CTNNA2: variants seen among roughly 807,000 people sequenced by gnomAD.
CTNNA2 encodes catenin alpha 2, also known as catenin alpha-2.
Under a neutral mutation model 101.0 loss-of-function variants are expected in CTNNA2, and 42 were observed. The observed-to-expected ratio is 0.42, with a 90% CI of 0.32 to 0.54. CTNNA2 has a LOEUF of 0.54. Ranked by LOEUF, CTNNA2 falls within the 20% of genes least tolerant of loss-of-function variation. The pLI is 0.14. For synonymous variants in CTNNA2, 450 were observed against 456.4 expected, an observed-to-expected ratio of 0.99 and a Z score of 0.18; for missense variants, 871 against 1,223.1, an observed-to-expected ratio of 0.71 and a Z score of 4.29.
intron 4 of CTNNA2, among the ~76,000 whole-genome samples, chr2:79,860,546 GTTTT>G (rs56929879): frequency 9.3e-6 from 1 of 107,180 alleles, no homozygotes; most frequent in South Asian, 3.1e-4. Context: ...AGTAAGGGAA[GTTTT>G]TTTTTTTTTT....
intron 4 of CTNNA2, among the ~76,000 whole-genome samples, chr2:79,430,076 G>T (rs533012467): frequency 8.3e-4 from 126 of 152,178 alleles, no homozygotes; most frequent in African/African-American, 2.6e-3. Context: ...AGGACAAGTG[G>T]CATAGGCTGC....
At chr2:79,977,564 T>C (rs1468070582) in intron 7 of CTNNA2, among the ~76,000 whole-genome samples, 1 of 152,144 alleles carries the variant, frequency 6.6e-6, no homozygotes, top group Non-Finnish European at 1.5e-5. Flanking sequence ...CTAGAAAATA[T>C]TTCTGTTCTA....
chr2:79,759,077 A>G (rs939392621), intron 3 of CTNNA2, among the ~76,000 whole-genome samples: 1 of 152,194 alleles, frequency 6.6e-6, no homozygotes, highest in South Asian at 2.1e-4. Flanking sequence ...AGAAAGTGGT[A>G]AACAGAAAGA....
In CTNNA2 at chr2:79,685,278, T is replaced by C. The variant is rs116723817; in HGVS notation, c.102+33620T>C. On this transcript the variant is annotated intron_variant, in intron 2 of 18. Coordinates refer to ENST00000402739, the MANE Select transcript of CTNNA2 (RefSeq NM_001282597.3). ...TAATTTATGTATCATTGAACAAATA[T>C]GAATCGTGCCTGGCTTTATGGAATT... is the stretch of plus-strand genomic sequence containing the variant. Among the ~76,000 whole-genome samples, 1,476 of 152,336 alleles carry C rather than the reference T, an allele frequency of 9.7e-3. 27 individuals are homozygous for C. The highest frequency in any genetic ancestry group is 0.034 in the African/African-American group (1,412 of 41,568).
At chr2:79,347,788 CTTTT>C (rs35044310) in intron 3 of CTNNA2, among the ~76,000 whole-genome samples, 115 of 132,654 alleles carry the variant, frequency 8.7e-4, no homozygotes, top group South Asian at 9.8e-4. Flanking sequence ...CCTAGCCTTC[CTTTT>C]TTTTTTTTTT....
At chr2:80,444,156 A>G (rs1056229774) in intron 9 of CTNNA2, among the ~76,000 whole-genome samples, 1 of 152,220 alleles carries the variant, frequency 6.6e-6, no homozygotes, top group African/African-American at 2.4e-5. Context: ...CTCTGAGTTC[A>G]GCTCTAAATT....
chr2:79,245,404 C>A (rs1253443624), intron 2 of CTNNA2, among the ~76,000 whole-genome samples: 1 of 152,180 alleles, frequency 6.6e-6, no homozygotes, highest in African/African-American at 2.4e-5. Context: ...CAGCTGAGAT[C>A]GTGCCACTGC....
At chr2:80,530,391 G>A (rs527635699) in intron 9 of CTNNA2, among the ~76,000 whole-genome samples, 17 of 152,304 alleles carry the variant, frequency 1.1e-4, no homozygotes, top group East Asian at 1.9e-4. Context: ...CTTCCAGCTC[G>A]GGAGAGACTT....
intron 3 of CTNNA2, among the ~76,000 whole-genome samples, chr2:79,793,213 A>T (rs933717593): frequency 6.6e-6 from 1 of 152,246 alleles, no homozygotes; most frequent in African/African-American, 2.4e-5. Flanking sequence ...CAGCAAGCTA[A>T]CTTGCCAGTT....
chr2:80,193,729 A>C (rs763731980), intron 7 of CTNNA2, among the ~76,000 whole-genome samples: 9 of 152,080 alleles, frequency 5.9e-5, no homozygotes, highest in Non-Finnish European at 1.0e-4. Context: ...CATTCCTTAG[A>C]GCTCCAGGAA....
intron 4 of CTNNA2, among the ~76,000 whole-genome samples, chr2:79,427,755 G>A (rs759774877): frequency 3.6e-4 from 54 of 151,862 alleles, no homozygotes; most frequent in African/African-American, 1.2e-3. Context: ...TCTGAGGTCC[G>A]GCTTCTAGGG....
At chr2:80,293,233 A>G (rs1476044743) in intron 7 of CTNNA2, among the ~76,000 whole-genome samples, 2 of 152,146 alleles carry the variant, frequency 1.3e-5, no homozygotes, top group Non-Finnish European at 2.9e-5. Flanking sequence ...AATTGTGTGT[A>G]ACTTGGCTTT....
At chr2:80,291,089 A>G (rs1278606298) in intron 7 of CTNNA2, among the ~76,000 whole-genome samples, 1 of 152,144 alleles carries the variant, frequency 6.6e-6, no homozygotes, top group East Asian at 1.9e-4. Context: ...AAACACACTC[A>G]ACTTTTGGAA....
intron 7 of CTNNA2, among the ~76,000 whole-genome samples, chr2:80,318,164 A>G (rs1678315576): frequency 6.6e-6 from 1 of 152,184 alleles, no homozygotes; most frequent in African/African-American, 2.4e-5. Flanking sequence ...AAAATATTTT[A>G]GATAATAGTC....
At chr2:80,243,069 G>A (rs1558935460) in intron 7 of CTNNA2, among the ~76,000 whole-genome samples, 1 of 152,162 alleles carries the variant, frequency 6.6e-6, no homozygotes, top group Non-Finnish European at 1.5e-5. Context: ...GTTTAGAGAA[G>A]AGACCAACAT....
rs150817985 is a variant in CTNNA2, at chr2:80,277,791, G to C, written c.1057-115420G>C. On this transcript the variant is annotated intron_variant, in intron 7 of 18. Transcript: ENST00000402739. ...CTATTCTTCATCACTCCTTCTGCTA[G>C]AAGGTTCTTCTTTGTCATCAACCAC... Among the ~76,000 whole-genome samples, 498 of 152,204 alleles carry C rather than the reference G, an allele frequency of 3.3e-3. 3 individuals are homozygous for C. The highest frequency in any genetic ancestry group is 0.011 in the African/African-American group (458 of 41,544).
chr2:79,316,908 C>T (rs1348915028), intron 3 of CTNNA2, among the ~76,000 whole-genome samples: 2 of 151,458 alleles, frequency 1.3e-5, no homozygotes, highest in East Asian at 1.9e-4. Context: ...TCTAATTGCC[C>T]TTATTAGAAC....
intron 4 of CTNNA2, among the ~76,000 whole-genome samples, chr2:79,861,951 C>T (rs1266837677): frequency 1.3e-5 from 2 of 152,168 alleles, no homozygotes. Context: ...GCAATCAGTT[C>T]ACATTGTCAG....
intron 1 of CTNNA2, among the ~76,000 whole-genome samples, chr2:79,189,755 C>A (rs183358270): frequency 4.7e-4 from 72 of 152,216 alleles, no homozygotes; most frequent in Non-Finnish European, 9.1e-4. Flanking sequence ...ATATAGGGGC[C>A]ATTTCTTCTT....
Sources: allele counts gnomAD v4.1 joint callset (sites outside exome capture counted in the v4.1 genomes callset), GRCh38; gene constraint gnomAD v4.1.1; transcripts MANE v1.5; gene names NCBI Gene and HGNC (gene_info 2026-07-23, HGNC 2026-07-21).